SPOCK3: variants seen among roughly 807,000 people sequenced by gnomAD.
The protein encoded by SPOCK3 is SPARC (osteonectin), cwcv and kazal like domains proteoglycan 3.
In SPOCK3, 30 loss-of-function variants were observed where a neutral mutation model predicts 56.6. The observed-to-expected ratio is 0.53, with a 90% confidence interval of 0.40 to 0.72. The LOEUF is 0.72. Ranked by LOEUF, SPOCK3 falls within the 30% of genes least tolerant of loss-of-function variation. The pLI is 0.00. For missense variants in SPOCK3, 527 were observed against 530.0 expected, an observed-to-expected ratio of 0.99 and a Z score of 0.06; for synonymous variants, 196 against 183.3, an observed-to-expected ratio of 1.07 and a Z score of -0.56.
chr4:166,828,312 A>C (rs913225992), intron 6 of SPOCK3, among the ~76,000 whole-genome samples: 1 of 152,048 alleles, frequency 6.6e-6, no homozygotes, highest in African/African-American at 2.4e-5. Context: ...TTAAATAATA[A>C]ATTTTTATAA....
intron 4 of SPOCK3, among the ~76,000 whole-genome samples, chr4:166,929,303 C>T (rs1739469817): frequency 2.0e-5 from 3 of 152,230 alleles, no homozygotes; most frequent in Middle Eastern, 3.4e-3. Flanking sequence ...CCTATTTCTT[C>T]CCACTGCAGA....
intron 2 of SPOCK3, among the ~76,000 whole-genome samples, chr4:167,206,244 A>T (rs1379644605): frequency 6.6e-6 from 1 of 152,010 alleles, no homozygotes; most frequent in Non-Finnish European, 1.5e-5. Flanking sequence ...GAATCACTTG[A>T]ACCCGGGAGT....
At chr4:167,036,364 T>C (rs1323342152) in intron 3 of SPOCK3, among the ~76,000 whole-genome samples, 4 of 152,246 alleles carry the variant, frequency 2.6e-5, no homozygotes, top group Admixed American at 6.5e-5. Flanking sequence ...GTTCTTTTTT[T>C]CCTTGACCTT....
chr4:166,885,850 C>A (rs1422024871), intron 6 of SPOCK3, among the ~76,000 whole-genome samples: 2 of 151,968 alleles, frequency 1.3e-5, no homozygotes, highest in East Asian at 3.9e-4. Flanking sequence ...TTGAAACAAA[C>A]AGAAAATGTT....
At chr4:166,755,192 C>T (rs1320933911) in intron 7 of SPOCK3, among the ~76,000 whole-genome samples, 1 of 151,956 alleles carries the variant, frequency 6.6e-6, no homozygotes, top group Non-Finnish European at 1.5e-5. Flanking sequence ...TTTAATAATT[C>T]CCTATATCTT....
chr4:167,181,368 C>G (rs1035936152), intron 2 of SPOCK3, among the ~76,000 whole-genome samples: 2 of 152,180 alleles, frequency 1.3e-5, no homozygotes, highest in Admixed American at 6.6e-5. Flanking sequence ...CTTACTATCT[C>G]TGTTGCTACA....
At chr4:167,025,704 T>C (rs879480610) in intron 3 of SPOCK3, among the ~76,000 whole-genome samples, 4 of 152,134 alleles carry the variant, frequency 2.6e-5, no homozygotes, top group Non-Finnish European at 5.9e-5. Flanking sequence ...AAAGCATGTG[T>C]TTTTTAATTA....
At chr4:166,833,759 C>A (rs1377944991) in intron 6 of SPOCK3, among the ~76,000 whole-genome samples, 1 of 152,108 alleles carries the variant, frequency 6.6e-6, no homozygotes, top group African/African-American at 2.4e-5. Flanking sequence ...GCCTGGTGCA[C>A]CTAGAACCTG....
chr4:166,783,294 G>A (rs2126624425), intron 7 of SPOCK3, among the ~76,000 whole-genome samples: 1 of 152,218 alleles, frequency 6.6e-6, no homozygotes, highest in East Asian at 1.9e-4. Context: ...GGGAGGTGGT[G>A]GTTGCAGTGA....
chr4:166,737,600 C>T lies in SPOCK3; in HGVS notation c.999G>A (p.Gln333=), dbSNP rs150809222. The T allele has an allele frequency of 3.6e-5, 58 of 1,609,552 alleles. No homozygotes were observed. The African/African-American group carries it at 7.2e-4, about 20-fold the overall frequency. ...KRQGVKKLLG[Q]YIPLCDEDGY... The stretch of plus-strand genomic sequence containing the variant: ...CATCTTCATCACACAGGGGGATATA[C>T]TGTCCTGTTGAAACAACACACAGGC... Residue 333 remains glutamine (Q), a synonymous_variant, in exon 10 of 11, where the codon CAG becomes CAA. Coordinates refer to ENST00000357545, the MANE Select transcript of SPOCK3 (RefSeq NM_001040159.2).
chr4:166,793,938 A>C (rs910510041), intron 6 of SPOCK3, among the ~76,000 whole-genome samples: 1 of 152,112 alleles, frequency 6.6e-6, no homozygotes, highest in Non-Finnish European at 1.5e-5. Flanking sequence ...GATTAAATCA[A>C]CAAGAGGATG....
In SPOCK3 at chr4:167,152,687, C is replaced by T. The variant is rs559820499; in HGVS notation, c.189+81298G>A. Among the ~76,000 whole-genome samples the T allele has an allele frequency of 3.9e-5, 6 of 152,200 alleles. No homozygotes were observed. In the East Asian group the frequency reaches 9.7e-4, roughly 25 times the overall value. On this transcript the variant is annotated intron_variant, in intron 2 of 10. Coordinates refer to ENST00000357545, the MANE Select transcript of SPOCK3 (RefSeq NM_001040159.2). The stretch of plus-strand genomic sequence containing the variant: ...GTTGATGGCTGAGAGCAGAATTTCC[C>T]ATTTCAAGAGGATAAATCATATTTC...
chr4:167,161,960 C>T (rs1204320812), intron 2 of SPOCK3, among the ~76,000 whole-genome samples: 1 of 151,888 alleles, frequency 6.6e-6, no homozygotes, highest in African/African-American at 2.4e-5. Flanking sequence ...TTAATAGGTG[C>T]AGCACACCAA....
chr4:167,015,536 T>C (rs1750532324), intron 3 of SPOCK3, among the ~76,000 whole-genome samples: 1 of 152,186 alleles, frequency 6.6e-6, no homozygotes. Flanking sequence ...ATTGCAAGAA[T>C]AATAAACTAT....
At chr4:167,003,611 T>C (rs1003537431) in intron 3 of SPOCK3, among the ~76,000 whole-genome samples, 1 of 152,232 alleles carries the variant, frequency 6.6e-6, no homozygotes, top group Non-Finnish European at 1.5e-5. Context: ...GTTTTCCATT[T>C]AGCGTCTCCT....
At chr4:167,219,667 ATTTAT>A (rs1003736763) in intron 2 of SPOCK3, among the ~76,000 whole-genome samples, 17 of 152,172 alleles carry the variant, frequency 1.1e-4, no homozygotes, top group African/African-American at 4.1e-4. Flanking sequence ...TGACTGAAAG[ATTTAT>A]TTTAATTTTC....
chr4:166,825,050 A>G (rs1456324652), intron 6 of SPOCK3, among the ~76,000 whole-genome samples: 1 of 152,136 alleles, frequency 6.6e-6, no homozygotes, highest in Non-Finnish European at 1.5e-5. Flanking sequence ...TTATTCAGAC[A>G]TTATGTTATT....
At chr4:166,787,862 A>G (rs1740899603) in intron 7 of SPOCK3, among the ~76,000 whole-genome samples, 3 of 152,256 alleles carry the variant, frequency 2.0e-5, no homozygotes, top group Middle Eastern at 3.4e-3. Context: ...TTAGCATTAT[A>G]TCTACTAAGT....
At chr4:166,843,290 G>C (rs988043169) in intron 6 of SPOCK3, among the ~76,000 whole-genome samples, 3 of 152,244 alleles carry the variant, frequency 2.0e-5, no homozygotes, top group African/African-American at 7.2e-5. Flanking sequence ...CGGACGCCGA[G>C]GCAGAGGAGG....
Sources: gnomAD v4.1 joint callset for allele counts (sites outside exome capture counted in the v4.1 genomes callset) on GRCh38, gnomAD v4.1.1 for gene constraint, MANE v1.5 for transcripts, NCBI Gene and HGNC (gene_info 2026-07-23, HGNC 2026-07-21) for gene names.